Variants in PHF24 observed in about 807,000 individuals in gnomAD.
PHF24 encodes Galpha inhibitory interacting protein.
A neutral mutation model predicts 42.6 loss-of-function variants in PHF24; 25 were observed. The ratio of observed to expected loss-of-function variants is 0.59; its 90% CI spans 0.43 to 0.82. The LOEUF (loss-of-function observed/expected upper bound fraction) is 0.82, where lower values mean the gene tolerates loss of function less well. Among genes scored for constraint, PHF24 ranks in the 40% least tolerant of loss-of-function variants. The pLI is 0.00. For missense variants in PHF24, 470 were observed against 538.1 expected (o/e 0.87, Z 1.25); for synonymous variants, 185 against 204.8 (o/e 0.90, Z 0.83).
the PHF24 span, chr9:34,922,967 C>T: frequency 9.1e-6 from 11 of 1,202,204 alleles, no homozygotes; most frequent in Admixed American, 4.4e-5. Context: ...GGCATGGCCT[C>T]GCCCCAGTCT....
the PHF24 span, chr9:34,889,688 C>T: frequency 2.5e-6 from 1 of 398,308 alleles, no homozygotes; most frequent in Non-Finnish European, 4.4e-6. Context: ...GACCCTGCAA[C>T]TCTTAGCCCT....
the PHF24 span, chr9:34,833,164 T>A: frequency 6.5e-7 from 1 of 1,550,168 alleles, no homozygotes; most frequent in South Asian, 1.2e-5. Context: ...CCTCTCTGTT[T>A]CCTGCTAGCA....
chr9:34,836,953 G>T, the PHF24 span: 1 of 388,446 alleles, frequency 2.6e-6, no homozygotes. Flanking sequence ...AGCCTCCACT[G>T]TGTATGTCTC....
chr9:34,680,939 A>T, the PHF24 span: 1 of 152,182 alleles, frequency 6.6e-6, no homozygotes. Context: ...ACTCAGCAAG[A>T]TTCTGGTTTT....
chr9:34,713,099 C>T, the PHF24 span, among the ~76,000 whole-genome samples: 2 of 152,210 alleles, frequency 1.3e-5, no homozygotes, highest in Non-Finnish European at 2.9e-5. Context: ...TTGTTGAGAA[C>T]TCTGCCATCA....
At chr9:34,709,373 G>C in the PHF24 span, 1 of 1,603,784 alleles carries the variant, frequency 6.2e-7, no homozygotes, top group Non-Finnish European at 8.5e-7. Context: ...GGGTCTCCAG[G>C]GCTCCAGGCT....
chr9:34,779,751 G>A, the PHF24 span, among the ~76,000 whole-genome samples: 1 of 152,156 alleles, frequency 6.6e-6, no homozygotes, highest in Non-Finnish European at 1.5e-5. Context: ...TTGAGATGGA[G>A]TTTCACTCTT....
At chr9:34,837,844 C>T in the PHF24 span, 1 of 626,728 alleles carries the variant, frequency 1.6e-6, no homozygotes, top group Non-Finnish European at 2.8e-6. Flanking sequence ...TTGCCTATTC[C>T]ACCTTTTTAC....
the PHF24 span, among the ~76,000 whole-genome samples, chr9:34,733,400 T>G: frequency 6.6e-6 from 1 of 152,162 alleles, no homozygotes; most frequent in East Asian, 1.9e-4. Flanking sequence ...ATACTTTTTC[T>G]CAGTTTGTCA....
chr9:34,680,150 A>C, the PHF24 span, among the ~76,000 whole-genome samples: 3 of 152,188 alleles, frequency 2.0e-5, no homozygotes, highest in Non-Finnish European at 4.4e-5. Context: ...CAAGGTGGGC[A>C]GATCACCTGA....
the PHF24 span, among the ~76,000 whole-genome samples, chr9:34,830,897 A>C: frequency 3.3e-5 from 5 of 152,220 alleles, no homozygotes; most frequent in Non-Finnish European, 7.3e-5. Flanking sequence ...AAGGTTTCAG[A>C]GAATTCCACA....
the PHF24 span, among the ~76,000 whole-genome samples, chr9:34,790,483 C>G: frequency 6.7e-6 from 1 of 148,588 alleles, no homozygotes; most frequent in Admixed American, 6.6e-5. Flanking sequence ...TTTCACAAAA[C>G]AATGCATATA....
intron 7 of PHF24, 98 bp from the exon 8 acceptor site, chr9:34,977,916 CG>C (rs1257134519): frequency 1.1e-6 from 1 of 928,960 alleles, no homozygotes; most frequent in African/African-American, 1.6e-5. Context: ...AGGGCTCACG[CG>C]TCTTCAAACC....
chr9:34,673,213 A>G, the PHF24 span, among the ~76,000 whole-genome samples: 19 of 152,046 alleles, frequency 1.2e-4, no homozygotes, highest in Admixed American at 7.2e-4. Flanking sequence ...AAAATTAGCC[A>G]GTCGTGGTGG....
the PHF24 span, among the ~76,000 whole-genome samples, chr9:34,899,026 G>A: frequency 6.6e-6 from 1 of 152,220 alleles, no homozygotes; most frequent in East Asian, 1.9e-4. Context: ...TTATTTACTG[G>A]TTTGGGGCTC....
At chr9:34,791,930 T>C in the PHF24 span, among the ~76,000 whole-genome samples, 2 of 152,164 alleles carry the variant, frequency 1.3e-5, no homozygotes, top group Non-Finnish European at 1.5e-5. Flanking sequence ...TAGTTAAGAG[T>C]TTTGCTCTTT....
exon 7 of PHF24, chr9:34,977,584 C>CCAG: frequency 3.7e-6 from 6 of 1,609,852 alleles, no homozygotes; most frequent in Non-Finnish European, 3.4e-6. Flanking sequence ...AGCAGCCCAG[C>CCAG]CAGCAGCAGC....
At chr9:34,735,460 T>C in the PHF24 span, among the ~76,000 whole-genome samples, 1 of 151,322 alleles carries the variant, frequency 6.6e-6, no homozygotes, top group Admixed American at 6.6e-5. Context: ...CAACAAAATA[T>C]TATTACAAGG....
chr9:34,937,707 A>T, the PHF24 span, among the ~76,000 whole-genome samples: 1 of 151,966 alleles, frequency 6.6e-6, no homozygotes, highest in Admixed American at 6.6e-5. Flanking sequence ...CGCTTGATGT[A>T]AAAGGTAATG....
Sources: allele counts gnomAD v4.1 joint callset (sites outside exome capture counted in the v4.1 genomes callset), GRCh38; gene constraint gnomAD v4.1.1; transcripts MANE v1.5; gene names NCBI Gene and HGNC (gene_info 2026-07-23, HGNC 2026-07-21).